The following MCTP1 variants were observed in gnomAD, a reference collection of about 807,000 sequenced individuals.
MCTP1 encodes multiple C2 and transmembrane domain containing 1, also known as multiple C2 and transmembrane domain-containing protein 1.
Under a neutral mutation model 120.6 loss-of-function variants are expected in MCTP1, and 69 were observed. The observed-to-expected ratio is 0.57, with a 90% CI of 0.47 to 0.70. The LOEUF is 0.70. Among genes scored for constraint, MCTP1 ranks in the 30% least tolerant of loss-of-function variants. MCTP1 has a pLI of 0.00. For missense variants in MCTP1, 1,203 were observed against 1,248.8 expected (o/e 0.96, Z 0.55); for synonymous variants, 529 against 493.1 (o/e 1.07, Z -0.96).
chr5:95,115,583 G>T (rs528021433), intron 1 of MCTP1, among the ~76,000 whole-genome samples: 10 of 152,078 alleles, frequency 6.6e-5, no homozygotes, highest in African/African-American at 2.4e-4. Flanking sequence ...AAAATAGTCA[G>T]AGGAGACAAA....
intron 2 of MCTP1, among the ~76,000 whole-genome samples, chr5:94,994,396 CA>C (rs1349117943): frequency 1.3e-5 from 2 of 152,130 alleles, no homozygotes; most frequent in African/African-American, 2.4e-5. Flanking sequence ...AGAGTGTGAT[CA>C]AAACTCTTAG....
At chr5:95,158,353 A>T (rs79005998) in intron 1 of MCTP1, among the ~76,000 whole-genome samples, 1 of 152,324 alleles carries the variant, frequency 6.6e-6, no homozygotes, top group Non-Finnish European at 1.5e-5. Context: ...GCTTTGCAAA[A>T]ATTATACAAT....
At chr5:94,708,294 G>GTTCT in intron 22 of MCTP1, 1 of 372,804 alleles carries the variant, frequency 2.7e-6, no homozygotes, top group South Asian at 5.1e-5. Context: ...GCTCTGGTAG[G>GTTCT]TTCTTTATGC....
chr5:94,818,794 T>C (rs1187081566), intron 17 of MCTP1, among the ~76,000 whole-genome samples: 3 of 152,234 alleles, frequency 2.0e-5, no homozygotes, highest in Admixed American at 2.0e-4. Flanking sequence ...TGCTACCTGT[T>C]TGACTAGGAT....
At chr5:95,170,036 T>A (rs908411839) in intron 1 of MCTP1, among the ~76,000 whole-genome samples, 1 of 152,246 alleles carries the variant, frequency 6.6e-6, no homozygotes, top group Non-Finnish European at 1.5e-5. Context: ...CTGCTTTCTC[T>A]TGTGGACATT....
At chr5:94,775,491 G>A (rs1363012958) in intron 19 of MCTP1, among the ~76,000 whole-genome samples, 3 of 152,104 alleles carry the variant, frequency 2.0e-5, no homozygotes, top group African/African-American at 4.8e-5. Context: ...AGCCTTATTT[G>A]CTAAGATATT....
rs549278515 is a variant in MCTP1, at chr5:95,002,248, A to G, written c.838+15119T>C. Among the ~76,000 whole-genome samples, 13 of 152,342 alleles carry G rather than the reference A, an allele frequency of 8.5e-5. No homozygotes were observed. The South Asian group carries it at 2.7e-3, about 32-fold the overall frequency. On this transcript the variant is annotated intron_variant, in intron 2 of 22. Coordinates refer to ENST00000515393, the MANE Select transcript of MCTP1 (RefSeq NM_024717.7). Reference sequence around the variant, plus strand: ...CTTCCTGGAGAACCTCTGCTAGGGCAGTGTGGAAGGGAAATGCGGGGTTGG... The same window carrying G: ...CTTCCTGGAGAACCTCTGCTAGGGCGGTGTGGAAGGGAAATGCGGGGTTGG...
At chr5:95,268,711 G>C (rs112407473) in intron 1 of MCTP1, among the ~76,000 whole-genome samples, 1 of 152,136 alleles carries the variant, frequency 6.6e-6, no homozygotes, top group Non-Finnish European at 1.5e-5. Flanking sequence ...TAGGGAGGTC[G>C]GCAACGTTAA....
At chr5:94,998,189 T>C (rs1305294867) in intron 2 of MCTP1, among the ~76,000 whole-genome samples, 1 of 152,172 alleles carries the variant, frequency 6.6e-6, no homozygotes, top group Admixed American at 6.6e-5. Flanking sequence ...GTCAATTATT[T>C]AAAAAAATAA....
intron 1 of MCTP1, among the ~76,000 whole-genome samples, chr5:95,207,265 G>T (rs1751730356): frequency 6.6e-6 from 1 of 152,136 alleles, no homozygotes; most frequent in Non-Finnish European, 1.5e-5. Flanking sequence ...TCTTTCAATA[G>T]AGCAGCAGGG....
chr5:95,268,439 C>T (rs1759083965), intron 1 of MCTP1, among the ~76,000 whole-genome samples: 1 of 152,174 alleles, frequency 6.6e-6, no homozygotes, highest in Non-Finnish European at 1.5e-5. Context: ...CAAGACAATA[C>T]TCATGAGCAG....
chr5:94,948,502 AT>A (rs1247043743), intron 3 of MCTP1, among the ~76,000 whole-genome samples: 3 of 152,030 alleles, frequency 2.0e-5, no homozygotes, highest in African/African-American at 7.3e-5. Context: ...TGATTCATGC[AT>A]TTAGGAAGTG....
intron 21 of MCTP1, chr5:94,708,901 A>G (rs910894980): frequency 2.8e-5 from 6 of 217,636 alleles, no homozygotes; most frequent in African/African-American, 1.1e-4. Context: ...CAGTCTACTT[A>G]GAAGCCTTGC....
chr5:94,937,048 T>C (rs765015679), intron 5 of MCTP1, among the ~76,000 whole-genome samples: 15 of 152,054 alleles, frequency 9.9e-5, no homozygotes, highest in Non-Finnish European at 1.6e-4. Flanking sequence ...GGACAGGAAG[T>C]ACAAGGATGT....
chr5:95,048,403 T>A (rs1351110705), intron 1 of MCTP1, among the ~76,000 whole-genome samples: 2 of 152,318 alleles, frequency 1.3e-5, no homozygotes, highest in African/African-American at 2.4e-5. Context: ...TCATAAAGAA[T>A]TTATGCCCAC....
At chr5:95,278,601 A>T (rs984592327) in intron 1 of MCTP1, among the ~76,000 whole-genome samples, 2 of 152,218 alleles carry the variant, frequency 1.3e-5, no homozygotes, top group African/African-American at 4.8e-5. Context: ...GAGGCAGGGA[A>T]ATATGTGATT....
At chr5:94,770,120 C>T (rs776542255) in intron 19 of MCTP1, among the ~76,000 whole-genome samples, 1 of 152,112 alleles carries the variant, frequency 6.6e-6, no homozygotes, top group Non-Finnish European at 1.5e-5. Context: ...AATCTTGGCA[C>T]CCTGGGTTCA....
At chr5:95,015,128 A>T (rs1836845437) in intron 2 of MCTP1, among the ~76,000 whole-genome samples, 1 of 152,234 alleles carries the variant, frequency 6.6e-6, no homozygotes, top group Non-Finnish European at 1.5e-5. Flanking sequence ...AGTATGGTAT[A>T]TATTATAACT....
intron 10 of MCTP1, among the ~76,000 whole-genome samples, chr5:94,895,753 T>C (rs1426463477): frequency 3.3e-5 from 5 of 152,200 alleles, no homozygotes; most frequent in Admixed American, 2.0e-4. Flanking sequence ...TCAAAGCTTG[T>C]AGTTGAGTTC....
Sources: allele counts gnomAD v4.1 joint callset (sites outside exome capture counted in the v4.1 genomes callset), GRCh38; gene constraint gnomAD v4.1.1; transcripts MANE v1.5; gene names NCBI Gene and HGNC (gene_info 2026-07-23, HGNC 2026-07-21).